The following SFXN1 variants were observed in gnomAD, a reference collection of about 807,000 sequenced individuals.
SFXN1 encodes sideroflexin 1.
A neutral mutation model predicts 39.5 loss-of-function variants in SFXN1; 32 were observed. That is an observed-to-expected ratio of 0.81 (90% CI 0.61 to 1.09). The LOEUF is 1.09. SFXN1 is among the 50% of genes least tolerant of loss of function. The pLI, the probability that SFXN1 is intolerant of heterozygous loss-of-function variation, is 0.00. For synonymous variants in SFXN1, 136 were observed against 146.5 expected (o/e 0.93, Z 0.52); for missense variants, 402 against 407.1 (o/e 0.99, Z 0.11).
At chr5:175,495,790 AAG>A (rs1459538109) in intron 2 of SFXN1, among the ~76,000 whole-genome samples, 1 of 152,204 alleles carries the variant, frequency 6.6e-6, no homozygotes, top group Admixed American at 6.5e-5. Context: ...ACAATAAAAA[AAG>A]AAACATATAA....
intron 8 of SFXN1, 145 bp from the exon 9 acceptor site, chr5:175,521,774 T>C: frequency 1.7e-6 from 1 of 604,904 alleles, no homozygotes; most frequent in Non-Finnish European, 2.9e-6. Context: ...CTAACACCCT[T>C]GTTGCAGCAT....
chr5:175,485,741 A>G (rs1229718658), intron 1 of SFXN1, among the ~76,000 whole-genome samples: 1 of 152,200 alleles, frequency 6.6e-6, no homozygotes, highest in Non-Finnish European at 1.5e-5. Flanking sequence ...CATCATGGGT[A>G]ACATGCAGTG....
rs376091035 is a variant in SFXN1 at position 175,524,809 on chromosome 5, T to C, written c.873-1829T>C. 9.9e-5 allele frequency among the ~76,000 whole-genome samples: 15 copies of C among 152,080 alleles called. 1 individual carries two copies. The highest frequency in any genetic ancestry group is 3.4e-4 in the African/African-American group (14 of 41,522). On this transcript the variant is annotated intron_variant, in intron 10 of 10. Transcript: ENST00000321442. Reference sequence around the variant, plus strand: ...CAAAACAAAAAGAGAAAGAGAAAAGTACAAATAATATGAATGAAAAAGAGG... The same window carrying C: ...CAAAACAAAAAGAGAAAGAGAAAAGCACAAATAATATGAATGAAAAAGAGG...
chr5:175,520,968 G>A (rs1463080788), intron 8 of SFXN1, among the ~76,000 whole-genome samples: 1 of 151,640 alleles, frequency 6.6e-6, no homozygotes, highest in Non-Finnish European at 1.5e-5. Flanking sequence ...TCCCCCTTAC[G>A]CCAACCCTCC....
Position 175,513,471 on chromosome 5 carries a change from A to T in SFXN1, c.605A>T (p.Lys202Ile). 6.2e-7 allele frequency: 1 copy of T among 1,613,766 alleles called. No individual in the cohort carries two copies. The highest frequency in any genetic ancestry group is 1.3e-5 in the African/African-American group (1 of 74,972). Reference sequence around the variant, plus strand: ...TGTGTTTTGCTCTGCAGGGAACTCAAAGTTGGCATTCCCGTCACGGATGAG... The same window carrying T: ...TGTGTTTTGCTCTGCAGGGAACTCATAGTTGGCATTCCCGTCACGGATGAG... ...NIPLMRQREL[K>I]VGIPVTDENG... Residue 202 changes from lysine to isoleucine, a missense_variant, in exon 7 of 11, where the codon AAA becomes ATA. Coordinates refer to ENST00000321442, the MANE Select transcript of SFXN1 (RefSeq NM_022754.7).
intron 5 of SFXN1, 43 bp downstream of exon 5, chr5:175,511,569 T>TA: frequency 6.7e-7 from 1 of 1,496,380 alleles, no homozygotes; most frequent in Non-Finnish European, 9.3e-7. Context: ...TTTAATTTGT[T>TA]ATCACCTGCC....
intron 2 of SFXN1, among the ~76,000 whole-genome samples, chr5:175,499,849 A>C (rs182305590): frequency 1.3e-3 from 199 of 152,350 alleles, no homozygotes; most frequent in African/African-American, 4.6e-3. Flanking sequence ...GGAAATGAAA[A>C]AGTAAAACTT....
At chr5:175,511,864 C>CT (rs33977399) in intron 5 of SFXN1, among the ~76,000 whole-genome samples, 1,670 of 130,182 alleles carry the variant, frequency 0.013, 24 homozygotes, top group African/African-American at 0.045. Flanking sequence ...TCTCTCTCTC[C>CT]CCACTCCAAA....
At position 175,483,494 on chromosome 5, in the gene SFXN1, A is replaced by G. The variant is rs1759333390; in HGVS notation, c.-10+4855A>G. On this transcript the variant is annotated intron_variant, in intron 1 of 10. Transcript: ENST00000321442. Reference sequence around the variant, plus strand: ...CAGGAAGCCACATTACAGCTAGTGCAATACACAGAGACCGTCTGTCACCAA... The same window carrying G: ...CAGGAAGCCACATTACAGCTAGTGCGATACACAGAGACCGTCTGTCACCAA... 1.3e-5 allele frequency: 2 copies of G among 152,232 alleles called. 1 individual carries two copies. Among genetic ancestry groups the G allele is most frequent in the South Asian group, 4.1e-4 (2 of 4,834 alleles). 9.4% of individuals were successfully genotyped at this position (152,232 alleles called of 1,614,324 possible).
chr5:175,515,070 A>G (rs1760675056), intron 7 of SFXN1, among the ~76,000 whole-genome samples: 1 of 152,020 alleles, frequency 6.6e-6, no homozygotes, highest in Non-Finnish European at 1.5e-5. Context: ...GCTGGAGTGC[A>G]GTTGCTGTGA....
intron 5 of SFXN1, 54 bp from the exon 6 acceptor site, chr5:175,512,057 A>G (rs1760537692): frequency 6.8e-7 from 1 of 1,480,812 alleles, no homozygotes; most frequent in East Asian, 2.3e-5. Flanking sequence ...AGTTATTTCC[A>G]TTTACTAGTA....
chr5:175,481,481 G>A (rs778296762), intron 1 of SFXN1, among the ~76,000 whole-genome samples: 2 of 152,030 alleles, frequency 1.3e-5, no homozygotes, highest in African/African-American at 2.4e-5. Flanking sequence ...GCCACCATGC[G>A]CCTGTTGTAT....
chr5:175,512,461 C>T (rs2652191), intron 6 of SFXN1, among the ~76,000 whole-genome samples: 147,669 of 152,304 alleles, frequency 0.97, 71,615 homozygotes, highest in African/African-American at 0.99. Context: ...TTTCTATGTC[C>T]GTATAATAAA....
intron 2 of SFXN1, among the ~76,000 whole-genome samples, chr5:175,495,123 CA>C (rs1759810666): frequency 6.6e-6 from 1 of 152,192 alleles, no homozygotes; most frequent in African/African-American, 2.4e-5. Context: ...ATTCAGCCTT[CA>C]AAAGGAAGGA....
At chr5:175,520,690 C>T (rs900295937) in intron 8 of SFXN1, among the ~76,000 whole-genome samples, 11 of 152,316 alleles carry the variant, frequency 7.2e-5, no homozygotes, top group Middle Eastern at 3.4e-3. Flanking sequence ...GCTGCTCTCA[C>T]AGGGTCAAGA....
intron 10 of SFXN1, chr5:175,525,946 A>G (rs920361680): frequency 2.0e-5 from 3 of 152,096 alleles, no homozygotes; most frequent in African/African-American, 7.2e-5. Context: ...TTACATATCA[A>G]AATATTAGCA....
chr5:175,509,633 TAA>T (rs750703319), intron 3 of SFXN1, among the ~76,000 whole-genome samples: 5 of 151,888 alleles, frequency 3.3e-5, no homozygotes, highest in Non-Finnish European at 7.4e-5. Flanking sequence ...AGAAGGAAAA[TAA>T]AGAGTCTGCA....
chr5:175,501,514 AT>A (rs1480983415), intron 2 of SFXN1, among the ~76,000 whole-genome samples: 1 of 152,226 alleles, frequency 6.6e-6, no homozygotes, highest in East Asian at 1.9e-4. Flanking sequence ...TAAAAATGCA[AT>A]TCACAGACAA....
intron 10 of SFXN1, chr5:175,524,123 AAAATATATAT>A (rs1217803768): frequency 2.0e-4 from 5 of 25,518 alleles, no homozygotes; most frequent in African/African-American, 6.3e-4. Context: ...AAAAAAAAAA[AAAATATATAT>A]ATATATATAT....
Sources: gnomAD v4.1 joint callset for allele counts (sites outside exome capture counted in the v4.1 genomes callset) on GRCh38, gnomAD v4.1.1 for gene constraint, MANE v1.5 for transcripts, NCBI Gene and HGNC (gene_info 2026-07-23, HGNC 2026-07-21) for gene names.